PRUNE2: variants seen among roughly 807,000 people sequenced by gnomAD.
PRUNE2 encodes the protein prune homolog 2 with BCH domain.
Under a neutral mutation model 252.0 loss-of-function variants are expected in PRUNE2, and 164 were observed. That is an observed-to-expected ratio of 0.65 (90% CI 0.57 to 0.74). The LOEUF is 0.74. PRUNE2 is among the 30% of genes least tolerant of loss of function. The pLI, the probability that PRUNE2 is intolerant of heterozygous loss-of-function variation, is 0.00. For missense variants in PRUNE2, 3,495 were observed against 3,711.0 expected (o/e 0.94, Z 1.51); for synonymous variants, 1,292 against 1,350.2 (o/e 0.96, Z 0.94).
chr9:76,717,799 T>C (rs1481130664), intron 6 of PRUNE2, among the ~76,000 whole-genome samples: 2 of 152,136 alleles, frequency 1.3e-5, no homozygotes, highest in Non-Finnish European at 2.9e-5. Flanking sequence ...AATCTCATAC[T>C]AATGCCAGCA....
At chr9:76,624,312 T>G (rs1027711366) in intron 17 of PRUNE2, 140 bp downstream of exon 17, 5 of 491,930 alleles carry the variant, frequency 1.0e-5, no homozygotes, top group African/African-American at 9.9e-5. Context: ...AGATTACATC[T>G]ATCATAGGAG....
chr9:76,830,576 T>C (rs1589447817), intron 4 of PRUNE2, among the ~76,000 whole-genome samples: 1 of 150,598 alleles, frequency 6.6e-6, no homozygotes, highest in Non-Finnish European at 1.5e-5. Context: ...CACTTGAACC[T>C]GGGAGGCAGA....
At chr9:76,791,604 T>C (rs1259366059) in intron 6 of PRUNE2, among the ~76,000 whole-genome samples, 1 of 133,704 alleles carries the variant, frequency 7.5e-6, no homozygotes, top group African/African-American at 2.6e-5. Context: ...CCAATTATCA[T>C]TGGTACAATA....
intron 9 of PRUNE2, among the ~76,000 whole-genome samples, chr9:76,679,563 G>A (rs1366354391): frequency 6.6e-6 from 1 of 152,188 alleles, no homozygotes; most frequent in Non-Finnish European, 1.5e-5. Context: ...GGCTGAGATA[G>A]AAGGATTGCT....
In PRUNE2 at chr9:76,708,186, T is replaced by C. The variant is rs1341502699; in HGVS notation, c.4088A>G (p.Gln1363Arg). Reference sequence around the variant, plus strand: ...AGATGCAACCAGAGAAGACAGTTCCTGGTCACTCTGCCCTTTTTCAGAAAT... The same window carrying C: ...AGATGCAACCAGAGAAGACAGTTCCCGGTCACTCTGCCCTTTTTCAGAAAT... ...SGISEKGQSD[Q>R]ELSSLVASEH... Residue 1363 changes from glutamine (Q) to arginine (R), a missense_variant, in exon 8 of 19, where the codon CAG becomes CGG. Physicochemically the swap from Gln to Arg is conservative, Grantham distance 43. Transcript: ENST00000376718. 1.9e-6 allele frequency: 3 copies of C among 1,613,898 alleles called. No individual in the cohort carries two copies. Among genetic ancestry groups the C allele is most frequent in the African/African-American group, 2.7e-5 (2 of 74,930 alleles).
chr9:76,683,981 A>G (rs912606204), intron 9 of PRUNE2, among the ~76,000 whole-genome samples: 2 of 151,584 alleles, frequency 1.3e-5, no homozygotes, highest in Non-Finnish European at 2.9e-5. Flanking sequence ...ACACACACGA[A>G]TATATATTGA....
chr9:76,695,102 C>A (rs2045257481), intron 9 of PRUNE2, among the ~76,000 whole-genome samples: 1 of 152,168 alleles, frequency 6.6e-6, no homozygotes, highest in African/African-American at 2.4e-5. Context: ...GTGGTACAAT[C>A]TCAGCCCACT....
At chr9:76,883,016 A>G (rs1435368584) in intron 1 of PRUNE2, among the ~76,000 whole-genome samples, 3 of 152,114 alleles carry the variant, frequency 2.0e-5, no homozygotes, top group Non-Finnish European at 2.9e-5. Flanking sequence ...TCTTTCTTTC[A>G]GGCCTCAATT....
chr9:76,676,270 A>T (rs1458139444), intron 9 of PRUNE2, among the ~76,000 whole-genome samples: 1 of 145,462 alleles, frequency 6.9e-6, no homozygotes, highest in Non-Finnish European at 1.5e-5. Context: ...TTCCACTCAA[A>T]TTTTTTTTTT....
chr9:76,821,354 G>T (rs556049247), intron 6 of PRUNE2, among the ~76,000 whole-genome samples: 2 of 152,156 alleles, frequency 1.3e-5, no homozygotes, highest in Non-Finnish European at 2.9e-5. Context: ...TTAAAGTGAG[G>T]TTAATGGGAA....
intron 9 of PRUNE2, chr9:76,692,003 G>A (rs498266): frequency 0.55 from 385,727 of 706,984 alleles, 109,258 homozygotes; most frequent in Middle Eastern, 0.68. Flanking sequence ...TAGTCTTTGA[G>A]AACAACACTC....
intron 1 of PRUNE2, among the ~76,000 whole-genome samples, chr9:76,869,819 T>C (rs944960484): frequency 1.3e-5 from 2 of 152,232 alleles, no homozygotes; most frequent in African/African-American, 2.4e-5. Flanking sequence ...TAACCTATTT[T>C]TCAGCTGCTC....
At chr9:76,754,579 A>G (rs2050935008) in intron 6 of PRUNE2, among the ~76,000 whole-genome samples, 1 of 152,178 alleles carries the variant, frequency 6.6e-6, no homozygotes, top group South Asian at 2.1e-4. Context: ...TTGTGGAGCT[A>G]TGGTGGCAGT....
intron 11 of PRUNE2, 187 bp downstream of exon 11, chr9:76,652,296 G>C (rs1847715535): frequency 1.7e-6 from 1 of 583,708 alleles, no homozygotes; most frequent in African/African-American, 1.9e-5. Flanking sequence ...GTTATGTATG[G>C]CCTCTGTGAC....
At chr9:76,670,119 C>G (rs2133891673) in intron 9 of PRUNE2, among the ~76,000 whole-genome samples, 1 of 152,318 alleles carries the variant, frequency 6.6e-6, no homozygotes, top group African/African-American at 2.4e-5. Context: ...TGGGTGATTT[C>G]TGCATTTCCA....
At chr9:76,778,187 G>C (rs1488327456) in intron 6 of PRUNE2, among the ~76,000 whole-genome samples, 3 of 152,178 alleles carry the variant, frequency 2.0e-5, no homozygotes, top group African/African-American at 7.2e-5. Flanking sequence ...AGTTTCCTAG[G>C]CAAGTCAAGG....
chr9:76,770,811 C>T (rs1352931390), intron 6 of PRUNE2, among the ~76,000 whole-genome samples: 1 of 152,034 alleles, frequency 6.6e-6, no homozygotes, highest in African/African-American at 2.4e-5. Context: ...TGGAGAAATC[C>T]AGAAATGACT....
chr9:76,635,320 A>G (rs556983701), intron 15 of PRUNE2, among the ~76,000 whole-genome samples: 1 of 152,312 alleles, frequency 6.6e-6, no homozygotes, highest in South Asian at 2.1e-4. Flanking sequence ...TAAACAGCTA[A>G]TCTTTGCCAG....
At chr9:76,902,967 T>G (rs1179072207) in intron 1 of PRUNE2, among the ~76,000 whole-genome samples, 1 of 152,222 alleles carries the variant, frequency 6.6e-6, no homozygotes, top group Non-Finnish European at 1.5e-5. Context: ...AGGGCCAGAC[T>G]GGGATTAAAA....
Sources: allele counts gnomAD v4.1 joint callset (sites outside exome capture counted in the v4.1 genomes callset), GRCh38; gene constraint gnomAD v4.1.1; transcripts MANE v1.5; gene names NCBI Gene and HGNC (gene_info 2026-07-23, HGNC 2026-07-21).